The following SLC25A48 variants were observed in gnomAD, a reference collection of about 807,000 sequenced individuals.
The protein encoded by SLC25A48 is CTC-321K16.1.
In SLC25A48, 29 loss-of-function variants were observed where a neutral mutation model predicts 32.2. The ratio of observed to expected loss-of-function variants is 0.90; its 90% CI spans 0.67 to 1.23. SLC25A48 has a LOEUF of 1.23. Ranked by LOEUF, SLC25A48 falls within the 50% of genes most tolerant of loss-of-function variation. SLC25A48 has a pLI of 0.00. For missense variants in SLC25A48, 399 were observed against 422.7 expected, an observed-to-expected ratio of 0.94 and a Z score of 0.49; for synonymous variants, 164 against 172.3, an observed-to-expected ratio of 0.95 and a Z score of 0.38.
In SLC25A48 at chr5:135,874,158, A is replaced by G; in HGVS notation, c.813+4A>G. 1 of 1,444,954 alleles carries G rather than the reference A, an allele frequency of 6.9e-7. No individual in the cohort carries two copies. The highest frequency in any genetic ancestry group is 9.0e-7 in the Non-Finnish European group (1 of 1,107,586). The allele number at this position is 1,444,954 out of a possible 1,614,324, so 89.5% of individuals were successfully genotyped here. On this transcript the variant is annotated splice_donor_region_variant and intron_variant, in intron 6 of 7. Coordinates refer to ENST00000681962, the MANE Select transcript of SLC25A48 (RefSeq NM_001349336.2). ...TTACCAGAAGGAAGGTCTTAAAGTA[A>G]GCCCACAGCAGGCCTGCGGGGTCAG...
intron 3 of SLC25A48, among the ~76,000 whole-genome samples, chr5:135,706,779 A>T (rs919774508): frequency 6.6e-6 from 1 of 152,134 alleles, no homozygotes; most frequent in African/African-American, 2.4e-5. Context: ...CATCTCCCCG[A>T]TTGGGTCTGC....
intron 3 of SLC25A48, among the ~76,000 whole-genome samples, chr5:135,684,183 A>G (rs1187738576): frequency 6.6e-6 from 1 of 152,206 alleles, no homozygotes; most frequent in East Asian, 1.9e-4. Context: ...CTGATCCCCA[A>G]CAACTCGGTT....
intron 3 of SLC25A48, among the ~76,000 whole-genome samples, chr5:135,702,467 G>A (rs1045186201): frequency 2.6e-5 from 4 of 152,236 alleles, no homozygotes; most frequent in African/African-American, 7.2e-5. Flanking sequence ...AGGCAAGAGC[G>A]GATTCTTCCC....
At chr5:135,639,911 C>A (rs1441724587) in intron 3 of SLC25A48, among the ~76,000 whole-genome samples, 1 of 152,122 alleles carries the variant, frequency 6.6e-6, no homozygotes, top group African/African-American at 2.4e-5. Context: ...AATTACTAGA[C>A]ATACTAAGAA....
chr5:135,824,817 G>A (rs1041527293), intron 4 of SLC25A48: 1 of 152,320 alleles, frequency 6.6e-6, no homozygotes, highest in Admixed American at 6.5e-5. Flanking sequence ...CGAATGCTCT[G>A]TGAGTTGAGG....
At chr5:135,594,300 G>A (rs1364298398) in intron 1 of SLC25A48, among the ~76,000 whole-genome samples, 1 of 152,210 alleles carries the variant, frequency 6.6e-6, no homozygotes, top group African/African-American at 2.4e-5. Context: ...TTCAGTTGGG[G>A]ATACTTAAGT....
intron 3 of SLC25A48, among the ~76,000 whole-genome samples, chr5:135,738,298 A>G (rs1020659867): frequency 7.2e-5 from 11 of 152,144 alleles, no homozygotes; most frequent in Non-Finnish European, 1.6e-4. Context: ...TGTCCTGTCT[A>G]TTCAGACTTC....
chr5:135,653,288 C>A (rs1753161729), intron 3 of SLC25A48, among the ~76,000 whole-genome samples: 1 of 152,178 alleles, frequency 6.6e-6, no homozygotes, highest in African/African-American at 2.4e-5. Flanking sequence ...GTGATTGATC[C>A]TGATTACCAC....
intron 3 of SLC25A48, among the ~76,000 whole-genome samples, chr5:135,662,739 T>A (rs1753433366): frequency 6.6e-6 from 1 of 152,204 alleles, no homozygotes; most frequent in African/African-American, 2.4e-5. Flanking sequence ...GAGCTTTTGC[T>A]TCTGTGACAC....
At chr5:135,751,488 G>A (rs749715928) in intron 3 of SLC25A48, among the ~76,000 whole-genome samples, 6 of 152,146 alleles carry the variant, frequency 3.9e-5, no homozygotes, top group Non-Finnish European at 8.8e-5. Flanking sequence ...CACTGGTTTT[G>A]AAATGTTTCC....
rs570230035 is a variant in SLC25A48 at position 135,746,719 on chromosome 5, C to T, written c.-520-65804C>T. Among the ~76,000 whole-genome samples, 7 of 152,254 alleles carry T rather than the reference C, an allele frequency of 4.6e-5. No individual in the cohort carries two copies. In the South Asian group the frequency reaches 8.3e-4, roughly 18 times the overall value. Reference sequence around the variant, plus strand: ...TTTTCATACCCAAGAGATTTAATATCGATGCAGTACTATTAGTCAATAGAC... The same window carrying T: ...TTTTCATACCCAAGAGATTTAATATTGATGCAGTACTATTAGTCAATAGAC... On this transcript the variant is annotated intron_variant, in intron 3 of 10. Transcript: ENST00000646290.
chr5:135,601,726 A>G lies in SLC25A48; in HGVS notation c.-849+22129A>G, dbSNP rs60330508. Among the ~76,000 whole-genome samples, 472 of 152,234 alleles carry G rather than the reference A, an allele frequency of 3.1e-3. 15 individuals carry two copies. The East Asian group carries it at 0.082, about 26-fold the overall frequency. ...CTGGACTTCTTGCCCTCTCTGATCT[A>G]TTCATCTCCCAACAGCTGCCAAAGC... On this transcript the variant is annotated intron_variant, in intron 1 of 10. Coordinates refer to the SLC25A48 transcript ENST00000646290.
At chr5:135,623,088 A>C (rs1283676346) in intron 1 of SLC25A48, among the ~76,000 whole-genome samples, 1 of 152,192 alleles carries the variant, frequency 6.6e-6, no homozygotes, top group Admixed American at 6.5e-5. Context: ...GCACCTCTCC[A>C]TCCTGTTAGC....
At chr5:135,587,509 A>T (rs1301022685) in intron 1 of SLC25A48, among the ~76,000 whole-genome samples, 1 of 152,154 alleles carries the variant, frequency 6.6e-6, no homozygotes, top group Non-Finnish European at 1.5e-5. Flanking sequence ...GCACAGCAGA[A>T]GGGAGGAAGT....
At position 135,660,718 on chromosome 5, in the gene SLC25A48, G is replaced by A. The variant is rs563450183; in HGVS notation, c.-521+25762G>A. ...GGATTAACTGAGTTAATAGATCTAA[G>A]TATGAAGAACAGTGCTTCTCAAGCT... On this transcript the variant is annotated intron_variant, in intron 3 of 10. Coordinates refer to the SLC25A48 transcript ENST00000646290. Among the ~76,000 whole-genome samples, 61 of 151,040 alleles carry A rather than the reference G, an allele frequency of 4.0e-4. 1 individual carries two copies. The highest frequency in any genetic ancestry group is 2.1e-4 in the South Asian group (1 of 4,726).
chr5:135,778,843 C>CG (rs1348706098), intron 3 of SLC25A48, among the ~76,000 whole-genome samples: 6 of 31,010 alleles, frequency 1.9e-4, no homozygotes, highest in Non-Finnish European at 4.0e-4. Context: ...ACACACACCC[C>CG]CCCCGCCCCG....
intron 3 of SLC25A48, among the ~76,000 whole-genome samples, chr5:135,778,428 G>A (rs1325745188): frequency 6.6e-6 from 1 of 151,674 alleles, no homozygotes; most frequent in East Asian, 1.9e-4. Flanking sequence ...TCCCTATACA[G>A]CAGGTGGTGT....
Position 135,834,722 on chromosome 5 carries a change from T to C in SLC25A48, c.-126T>C. The C allele has an allele frequency of 3.9e-6, 4 of 1,036,570 alleles. No individual in the cohort carries two copies. Among genetic ancestry groups the C allele is most frequent in the Non-Finnish European group, 5.5e-6 (4 of 724,368 alleles). 64.2% of individuals were successfully genotyped at this position (1,036,570 alleles called of 1,614,324 possible). A position where few individuals can be genotyped will look rare whatever the true frequency, so the allele number is the denominator to read the frequency against. Reference sequence around the variant, plus strand: ...GGTGACTGGGGGACTGGGTTTGGAGTAGGACCTGCGGCGTGCTCGAGACTC... The same window carrying C: ...GGTGACTGGGGGACTGGGTTTGGAGCAGGACCTGCGGCGTGCTCGAGACTC... On this transcript the variant is annotated 5_prime_UTR_variant, in exon 1 of 8. Coordinates refer to ENST00000681962, the MANE Select transcript of SLC25A48 (RefSeq NM_001349336.2).
At chr5:135,723,269 A>G (rs960046212) in intron 3 of SLC25A48, among the ~76,000 whole-genome samples, 4 of 152,164 alleles carry the variant, frequency 2.6e-5, no homozygotes, top group African/African-American at 9.7e-5. Context: ...TCAATTCACT[A>G]TTCTTTCAGC....
Sources: gnomAD v4.1 joint callset for allele counts (sites outside exome capture counted in the v4.1 genomes callset) on GRCh38, gnomAD v4.1.1 for gene constraint, MANE v1.5 for transcripts, NCBI Gene and HGNC (gene_info 2026-07-23, HGNC 2026-07-21) for gene names.